ENOX1: variants seen among roughly 807,000 people sequenced by gnomAD.
ENOX1 encodes the protein ecto-NOX disulfide-thiol exchanger 1.
In ENOX1, 42 loss-of-function variants were observed where a neutral mutation model predicts 82.5. That is an observed-to-expected ratio of 0.51 (90% CI 0.40 to 0.66). ENOX1 has a LOEUF of 0.66. ENOX1 is among the 30% of genes least tolerant of loss of function. ENOX1 has a pLI of 0.00. For synonymous variants in ENOX1, 271 were observed against 282.2 expected (o/e 0.96, Z 0.40); for missense variants, 608 against 811.6 (o/e 0.75, Z 3.05).
intron 3 of ENOX1, among the ~76,000 whole-genome samples, chr13:43,482,028 C>A (rs1446864267): frequency 6.6e-6 from 1 of 152,116 alleles, no homozygotes; most frequent in Non-Finnish European, 1.5e-5. Flanking sequence ...GAAATTGGAA[C>A]CCTTGTACAC....
intron 3 of ENOX1, among the ~76,000 whole-genome samples, chr13:43,462,956 C>T (rs983321661): frequency 6.6e-6 from 1 of 152,132 alleles, no homozygotes; most frequent in African/African-American, 2.4e-5. Flanking sequence ...ATAGTCGTTA[C>T]GTTAAAAATC....
At position 43,325,313 on chromosome 13, in the gene ENOX1, C is replaced by T. The variant is rs184208684; in HGVS notation, c.1143+1106G>A. ...ATTAGTGAACAAACTAAAAAATGTC[C>T]TTCTTAACAATAAATTGCACTAGCA... On this transcript the variant is annotated intron_variant, in intron 10 of 16. Coordinates refer to ENST00000690772, the MANE Select transcript of ENOX1 (RefSeq NM_001347969.2). 3.1e-3 allele frequency among the ~76,000 whole-genome samples: 470 copies of T among 152,310 alleles called. 3 individuals are homozygous for T. Among genetic ancestry groups the T allele is most frequent in the African/African-American group, 0.011 (453 of 41,566 alleles).
intron 5 of ENOX1, among the ~76,000 whole-genome samples, chr13:43,367,524 C>T (rs931099127): frequency 6.6e-6 from 1 of 152,132 alleles, no homozygotes; most frequent in African/African-American, 2.4e-5. Flanking sequence ...AGTCAAGGAT[C>T]ACCCAGGATA....
intron 2 of ENOX1, among the ~76,000 whole-genome samples, chr13:43,636,200 A>G (rs1218721249): frequency 6.6e-6 from 1 of 152,238 alleles, no homozygotes; most frequent in Non-Finnish European, 1.5e-5. Context: ...TCCCATGCTC[A>G]TGGTCACGCA....
At chr13:43,345,579 G>A (rs761228609) in intron 8 of ENOX1, among the ~76,000 whole-genome samples, 3 of 152,306 alleles carry the variant, frequency 2.0e-5, no homozygotes, top group South Asian at 4.1e-4. Context: ...GAACAAACCC[G>A]TGTTGTATGG....
At chr13:43,731,381 G>C (rs2089333814) in intron 1 of ENOX1, among the ~76,000 whole-genome samples, 1 of 152,148 alleles carries the variant, frequency 6.6e-6, no homozygotes, top group African/African-American at 2.4e-5. Flanking sequence ...GAAGAGCTTT[G>C]TATAGTAAAT....
chr13:43,673,175 G>GTGTATATA (rs143949240), intron 1 of ENOX1, among the ~76,000 whole-genome samples: 2 of 148,842 alleles, frequency 1.3e-5, no homozygotes, highest in African/African-American at 4.9e-5. Context: ...TTGCATGTGT[G>GTGTATATA]TATATATATA....
intron 2 of ENOX1, among the ~76,000 whole-genome samples, chr13:43,564,041 CCAGA>C (rs1232410362): frequency 1.3e-5 from 2 of 151,722 alleles, no homozygotes; most frequent in Non-Finnish European, 2.9e-5. Flanking sequence ...AATACCAAAA[CCAGA>C]CAAAGACTCA....
chr13:43,571,665 G>C (rs1213659620), intron 2 of ENOX1, among the ~76,000 whole-genome samples: 1 of 152,158 alleles, frequency 6.6e-6, no homozygotes, highest in Non-Finnish European at 1.5e-5. Flanking sequence ...ACTCCAGCCT[G>C]GGCAACAAGA....
chr13:43,482,592 T>C (rs2058547706), intron 3 of ENOX1, among the ~76,000 whole-genome samples: 1 of 151,362 alleles, frequency 6.6e-6, no homozygotes, highest in Non-Finnish European at 1.5e-5. Context: ...AGTATGGACT[T>C]AAAAATTTGT....
intron 2 of ENOX1, among the ~76,000 whole-genome samples, chr13:43,629,349 T>G (rs1157461501): frequency 6.6e-6 from 1 of 152,204 alleles, no homozygotes; most frequent in Non-Finnish European, 1.5e-5. Flanking sequence ...TTTTTGTCTG[T>G]GCCCATTGGT....
At chr13:43,630,945 GTGT>G (rs2083191233) in intron 2 of ENOX1, among the ~76,000 whole-genome samples, 1 of 151,858 alleles carries the variant, frequency 6.6e-6, no homozygotes, top group Non-Finnish European at 1.5e-5. Flanking sequence ...GTGTGTGTGT[GTGT>G]GTATGTAATA....
intron 2 of ENOX1, among the ~76,000 whole-genome samples, chr13:43,606,961 T>G (rs962896389): frequency 6.6e-6 from 1 of 152,144 alleles, no homozygotes; most frequent in African/African-American, 2.4e-5. Flanking sequence ...TGAGCTGAGA[T>G]AGTGCCACTG....
chr13:43,408,895 G>A (rs1454413114), intron 5 of ENOX1, among the ~76,000 whole-genome samples: 1 of 151,652 alleles, frequency 6.6e-6, no homozygotes, highest in African/African-American at 2.4e-5. Flanking sequence ...TTTAGAAATG[G>A]AATAAAGAAC....
At position 43,688,726 on chromosome 13, in the gene ENOX1, G is replaced by A. The variant is rs117535374; in HGVS notation, c.-284-21182C>T. On this transcript the variant is annotated intron_variant, in intron 1 of 16. Coordinates refer to ENST00000690772, the MANE Select transcript of ENOX1 (RefSeq NM_001347969.2). ...ATGTGAACTCAGCGTCTGGTTGTCC[G>A]GGGCTACTATTTGCAGAGAAAGGGG... 1.8e-3 allele frequency among the ~76,000 whole-genome samples: 270 copies of A among 151,976 alleles called. 1 individual carries two copies. The highest frequency in any genetic ancestry group is 0.014 in the East Asian group (73 of 5,120).
At chr13:43,375,526 C>A (rs888481778) in intron 5 of ENOX1, among the ~76,000 whole-genome samples, 3 of 152,176 alleles carry the variant, frequency 2.0e-5, no homozygotes, top group African/African-American at 7.2e-5. Flanking sequence ...CCCTAAGGTG[C>A]CCCCAGTCCG....
chr13:43,215,785 C>A (rs35445939), intron 16 of ENOX1, among the ~76,000 whole-genome samples: 15,382 of 152,194 alleles, frequency 0.1, 847 homozygotes, highest in Non-Finnish European at 0.13. Flanking sequence ...AAAATCAGAT[C>A]CCCCAGCCAG....
At chr13:43,640,971 A>T (rs1041843845) in intron 2 of ENOX1, among the ~76,000 whole-genome samples, 2 of 152,072 alleles carry the variant, frequency 1.3e-5, no homozygotes, top group Non-Finnish European at 2.9e-5. Flanking sequence ...TAAGTAAAAC[A>T]TAGAACAATC....
At chr13:43,673,396 G>A (rs2085360096) in intron 1 of ENOX1, among the ~76,000 whole-genome samples, 1 of 152,082 alleles carries the variant, frequency 6.6e-6, no homozygotes, top group South Asian at 2.1e-4. Context: ...ACTAAACAAA[G>A]CTCTTCCTGA....
Sources: gnomAD v4.1 joint callset for allele counts (sites outside exome capture counted in the v4.1 genomes callset) on GRCh38, gnomAD v4.1.1 for gene constraint, MANE v1.5 for transcripts, NCBI Gene and HGNC (gene_info 2026-07-23, HGNC 2026-07-21) for gene names.